The following FRMPD4 variants were observed in gnomAD, a reference collection of about 807,000 sequenced individuals.
FRMPD4 encodes the protein FERM and PDZ domain-containing protein 4.
In FRMPD4, 22 loss-of-function variants were observed where a neutral mutation model predicts 94.1. The observed-to-expected ratio is 0.23, with a 90% confidence interval of 0.17 to 0.33. FRMPD4 has a LOEUF of 0.33. Ranked by LOEUF, FRMPD4 falls within the 10% of genes least tolerant of loss-of-function variation. The pLI is 1.00. For missense variants in FRMPD4, 1,111 were observed against 1,339.9 expected (o/e 0.83, Z 2.67); for synonymous variants, 631 against 548.6 (o/e 1.15, Z -2.10).
chrX:12,453,374 A>AT (rs1184650234), intron 1 of FRMPD4, among the ~76,000 whole-genome samples: 1 of 112,060 alleles, frequency 8.9e-6, no homozygotes, highest in African/African-American at 3.2e-5. Flanking sequence ...TTAGTTTTAG[A>AT]TTTTTTGTTG....
At chrX:11,942,103 C>T (rs962305892) in intron 3 of FRMPD4, among the ~76,000 whole-genome samples, 6 of 111,892 alleles carry the variant, frequency 5.4e-5, no homozygotes, top group Non-Finnish European at 7.5e-5. Flanking sequence ...TATAAACTTA[C>T]GTATTTAAAA....
intron 1 of FRMPD4, among the ~76,000 whole-genome samples, chrX:12,270,543 T>C (rs901240976): frequency 1.1e-4 from 12 of 111,858 alleles, no homozygotes; most frequent in African/African-American, 3.9e-4. Context: ...TACATAATGA[T>C]TGTTTTACTC....
intron 1 of FRMPD4, among the ~76,000 whole-genome samples, chrX:12,442,001 C>A (rs1055395595): frequency 2.7e-5 from 3 of 111,578 alleles, no homozygotes; most frequent in Non-Finnish European, 5.6e-5. Flanking sequence ...AGAGGCACAG[C>A]TTTCTAGAGC....
intron 1 of FRMPD4, among the ~76,000 whole-genome samples, chrX:12,454,342 A>G (rs1241011591): frequency 1.8e-5 from 2 of 111,919 alleles, no homozygotes; most frequent in African/African-American, 6.5e-5. Context: ...AAACACTTGT[A>G]TGACAAATTC....
At chrX:11,982,909 T>A (rs746144445) in intron 3 of FRMPD4, among the ~76,000 whole-genome samples, 1 of 112,040 alleles carries the variant, frequency 8.9e-6, no homozygotes, top group Non-Finnish European at 1.9e-5. Context: ...GTCTTATTTC[T>A]GCTGACTCTT....
intron 3 of FRMPD4, among the ~76,000 whole-genome samples, chrX:12,073,666 G>T (rs1258402577): frequency 1.8e-5 from 2 of 112,117 alleles, no homozygotes; most frequent in Non-Finnish European, 3.8e-5. Flanking sequence ...TCTCCAAAAT[G>T]AATGTAATAA....
chrX:12,418,374 T>C (rs1197970114), intron 1 of FRMPD4, among the ~76,000 whole-genome samples: 1 of 103,817 alleles, frequency 9.6e-6, no homozygotes, highest in Non-Finnish European at 2.0e-5. Flanking sequence ...TTTTTCTTTT[T>C]TTGAGATAGA....
intron 5 of FRMPD4, among the ~76,000 whole-genome samples, chrX:12,676,609 A>T (rs1228172186): frequency 8.9e-6 from 1 of 112,362 alleles, no homozygotes; most frequent in Admixed American, 9.4e-5. Context: ...TACCTCATGC[A>T]GTAAACTTAG....
At chrX:12,563,608 T>G (rs1176348719) in intron 2 of FRMPD4, among the ~76,000 whole-genome samples, 4 of 112,099 alleles carry the variant, frequency 3.6e-5, no homozygotes, top group Non-Finnish European at 7.5e-5. Context: ...AGTTGCCTAT[T>G]AACCAGGTGC....
At chrX:12,596,810 G>C (rs1212810423) in intron 2 of FRMPD4, among the ~76,000 whole-genome samples, 7 of 111,563 alleles carry the variant, frequency 6.3e-5, no homozygotes, top group African/African-American at 2.3e-4. Flanking sequence ...ATTTTGATAA[G>C]GGTATTCAAA....
chrX:12,490,247 C>T (rs938098371), intron 1 of FRMPD4, among the ~76,000 whole-genome samples: 7 of 110,590 alleles, frequency 6.3e-5, no homozygotes, highest in Non-Finnish European at 1.3e-4. Context: ...ACGATAACAG[C>T]ATTAATTCAT....
At chrX:11,919,291 G>A (rs1437173338) in intron 3 of FRMPD4, among the ~76,000 whole-genome samples, 2 of 112,408 alleles carry the variant, frequency 1.8e-5, no homozygotes, top group Admixed American at 9.4e-5. Context: ...GCCCTCAGTC[G>A]AGAACCACTG....
At chrX:12,103,279 G>A (rs929050328) in intron 3 of FRMPD4, among the ~76,000 whole-genome samples, 2 of 112,114 alleles carry the variant, frequency 1.8e-5, no homozygotes, top group South Asian at 7.4e-4. Context: ...ACTCCATAAA[G>A]ATGGTTATTG....
chrX:12,717,897 C>A lies in FRMPD4; in HGVS notation c.3071C>A (p.Thr1024Asn), dbSNP rs774466633. 8.3e-7 allele frequency: 1 copy of A among 1,211,893 alleles called. No homozygotes were observed. The highest frequency in any genetic ancestry group is 3.0e-5 in the East Asian group (1 of 33,863). The change falls in exon 16 of 17, where the codon ACT (threonine) becomes AAT (asparagine). Residue 1024 changes from threonine to asparagine, a missense_variant. Thr to Asn is a moderately conservative substitution (Grantham distance 65). Coordinates refer to ENST00000675598, the MANE Select transcript of FRMPD4 (RefSeq NM_001368397.1). ...LHMGSVAYSC[T>N]SKRKSKLADG... ...ATGGGGTCGGTGGCATACTCCTGCACTAGCAAAAGGAAAAGCAAGCTGGCC... is the reference window on the plus strand; with the variant it reads ...ATGGGGTCGGTGGCATACTCCTGCAATAGCAAAAGGAAAAGCAAGCTGGCC...
chrX:12,193,012 G>T (rs1316079417), intron 1 of FRMPD4, among the ~76,000 whole-genome samples: 1 of 111,788 alleles, frequency 8.9e-6, no homozygotes, highest in African/African-American at 3.3e-5. Context: ...CAAAAATATA[G>T]TGAGTGTTCC....
chrX:11,951,705 C>T (rs768865606), intron 3 of FRMPD4, among the ~76,000 whole-genome samples: 3 of 111,842 alleles, frequency 2.7e-5, no homozygotes, highest in Non-Finnish European at 5.6e-5. Flanking sequence ...ACAAGTTTAC[C>T]TATGTAACAA....
chrX:11,895,794 G>A (rs1297290117), intron 3 of FRMPD4, among the ~76,000 whole-genome samples: 1 of 112,179 alleles, frequency 8.9e-6, no homozygotes. Context: ...CCAGGTAATA[G>A]GTAGAGCTCT....
intron 1 of FRMPD4, among the ~76,000 whole-genome samples, chrX:12,481,511 C>A (rs2057679865): frequency 9.0e-6 from 1 of 110,907 alleles, no homozygotes; most frequent in East Asian, 2.8e-4. Context: ...CATGACTCAC[C>A]AAAACTCAAC....
At chrX:11,982,224 C>G (rs2054401260) in intron 3 of FRMPD4, among the ~76,000 whole-genome samples, 1 of 108,474 alleles carries the variant, frequency 9.2e-6, no homozygotes, top group African/African-American at 3.4e-5. Context: ...TTGTTCTTTT[C>G]TCTCAGCACT....
Sources: allele counts gnomAD v4.1 joint callset (sites outside exome capture counted in the v4.1 genomes callset), GRCh38; gene constraint gnomAD v4.1.1; transcripts MANE v1.5; gene names NCBI Gene and HGNC (gene_info 2026-07-23, HGNC 2026-07-21).